The following RAP1GAP variants were observed in gnomAD, a reference collection of about 807,000 sequenced individuals.
RAP1GAP encodes the protein RAP1 GTPase activating protein.
RAP1GAP carries 35 observed loss-of-function variants against 87.2 expected under a neutral mutation model. The observed-to-expected ratio is 0.40, with a 90% confidence interval of 0.31 to 0.53. RAP1GAP has a LOEUF of 0.53. RAP1GAP is among the 20% of genes least tolerant of loss of function. RAP1GAP has a pLI of 0.48. For synonymous variants in RAP1GAP, 375 were observed against 363.9 expected (o/e 1.03, Z -0.35); for missense variants, 734 against 898.9 (o/e 0.82, Z 2.35).
rs142688233 is a variant in RAP1GAP, at chr1:21,608,222, C to T, written c.1287G>A (p.Glu429=). ...ENGSGGGGFF[E]SFKRVIRSRS... Reference sequence around the variant, plus strand: ...ACCTGGGGCCCTTCACCTTGAAAGACTCAAAGAAGCCGCCGCCCCCACTGC... The same window carrying T: ...ACCTGGGGCCCTTCACCTTGAAAGATTCAAAGAAGCCGCCGCCCCCACTGC... The change falls in exon 17 of 25, where the codon GAG becomes GAA. Residue 429 remains glutamate (E), a synonymous_variant. Coordinates refer to ENST00000374765, the MANE Select transcript of RAP1GAP (RefSeq NM_002885.4). The T allele has an allele frequency of 7.8e-5, 126 of 1,613,906 alleles. No homozygotes were observed. Among genetic ancestry groups the T allele is most frequent in the Non-Finnish European group, 1.0e-4 (120 of 1,179,926 alleles).
At chr1:21,643,450 C>G (rs989742222) in intron 2 of RAP1GAP, among the ~76,000 whole-genome samples, 3 of 150,562 alleles carry the variant, frequency 2.0e-5, no homozygotes, top group Non-Finnish European at 4.4e-5. Context: ...CCCAGCTACT[C>G]AGGAGGCTGA....
At position 21,609,978 on chromosome 1, in the gene RAP1GAP, G is replaced by A. The variant is rs1010992083; in HGVS notation, c.999+142C>T. The stretch of plus-strand genomic sequence containing the variant: ...AGCTTTGGGGACGACAGGGGGCGTG[G>A]TGTGAACAGTGCACCATTGAAGCCT... On this transcript the variant is annotated intron_variant, in intron 14 of 24. Transcript: ENST00000374765. This position sits in a 1 kb window ranked among gnomAD's most constrained non-coding sequence, Gnocchi z 4.4. 2.8e-6 allele frequency: 3 copies of A among 1,054,148 alleles called. No homozygotes were observed. The highest frequency in any genetic ancestry group is 4.0e-6 in the Non-Finnish European group (3 of 745,198). The allele number at this position is 1,054,148 out of a possible 1,614,324, so 65.3% of individuals were successfully genotyped here. A position where few individuals can be genotyped will look rare whatever the true frequency, so the allele number is the denominator to read the frequency against.
rs138139870 is a variant in RAP1GAP at position 21,604,156 on chromosome 1, G to A, written c.1429-1243C>T. Among the ~76,000 whole-genome samples, 848 of 152,094 alleles carry A rather than the reference G, an allele frequency of 5.6e-3. 4 individuals carry two copies. Among genetic ancestry groups the A allele is most frequent in the Non-Finnish European group, 8.3e-3 (565 of 67,994 alleles). ...GGGAGAGATGGACAGACAGTTACCC[G>A]GAGACAGGGACACGCGTGAGCCAGC... On this transcript the variant is annotated intron_variant, in intron 18 of 24. Transcript: ENST00000374765.
chr1:21,663,542 G>A (rs2097225828), intron 1 of RAP1GAP, among the ~76,000 whole-genome samples: 1 of 152,180 alleles, frequency 6.6e-6, no homozygotes, highest in African/African-American at 2.4e-5. Context: ...GAGCTTGCAG[G>A]CAGGAAGAAG....
chr1:21,660,658 G>C (rs573657326), intron 1 of RAP1GAP, among the ~76,000 whole-genome samples: 1 of 152,142 alleles, frequency 6.6e-6, no homozygotes, highest in South Asian at 2.1e-4. Context: ...AGCTGTGACC[G>C]TCAGCCTTAG....
chr1:21,608,208 T>C lies in RAP1GAP; in HGVS notation c.1296+5A>G. The C allele has an allele frequency of 6.2e-7, 1 of 1,613,688 alleles. No individual in the cohort carries two copies. Among genetic ancestry groups the C allele is most frequent in the South Asian group, 1.1e-5 (1 of 91,022 alleles). On this transcript the variant is annotated splice_donor_5th_base_variant and intron_variant, in intron 17 of 24. Transcript: ENST00000374765. ...CCCCGGCCAGTTAGACCTGGGGCCC[T>C]TCACCTTGAAAGACTCAAAGAAGCC...
At chr1:21,642,173 G>T (rs1249128109) in intron 2 of RAP1GAP, among the ~76,000 whole-genome samples, 1 of 152,228 alleles carries the variant, frequency 6.6e-6, no homozygotes, top group African/African-American at 2.4e-5. Context: ...CCCACGGCTG[G>T]GGTGTACAGT....
Position 21,622,244 on chromosome 1 carries a change from C to A in RAP1GAP, c.-18-2194G>T. ...CCACCATGACGGAGCCTTGTCCGCC[C>A]GCCCTGGCTGGGGCAGAGCCGGCCG... On this transcript the variant is annotated intron_variant, in intron 3 of 24. Transcript: ENST00000374765. The surrounding 1 kb of genome is among the most constrained non-coding windows in gnomAD (Gnocchi z 5.7). 2.7e-6 allele frequency: 1 copy of A among 374,956 alleles called. No homozygotes were observed. Among genetic ancestry groups the A allele is most frequent in the Non-Finnish European group, 4.8e-6 (1 of 206,650 alleles). 23.2% of individuals were successfully genotyped at this position (374,956 alleles called of 1,614,324 possible). A position where few individuals can be genotyped will look rare whatever the true frequency, so the allele number is the denominator to read the frequency against.
chr1:21,650,381 A>C (rs900718499), intron 1 of RAP1GAP, among the ~76,000 whole-genome samples: 1 of 151,808 alleles, frequency 6.6e-6, no homozygotes, highest in Non-Finnish European at 1.5e-5. Flanking sequence ...GGTACCCCAG[A>C]CTTTGTCTCC....
chr1:21,632,053 G>A (rs908164803), intron 2 of RAP1GAP, among the ~76,000 whole-genome samples: 1 of 152,212 alleles, frequency 6.6e-6, no homozygotes, highest in Admixed American at 6.5e-5. Context: ...CAGAGAGGAG[G>A]TGACCCGCCC....
At chr1:21,599,921 C>T (rs1237769924) in intron 20 of RAP1GAP, among the ~76,000 whole-genome samples, 15 of 152,346 alleles carry the variant, frequency 9.8e-5, no homozygotes, top group African/African-American at 1.9e-4. Flanking sequence ...AAAACAGCAG[C>T]GGTTAGCGAC....
At chr1:21,614,179 G>A in intron 7 of RAP1GAP, 90 bp from the exon 8 acceptor site, 1 of 846,372 alleles carries the variant, frequency 1.2e-6, no homozygotes, top group Non-Finnish European at 1.9e-6. Flanking sequence ...ACTCCCAGAT[G>A]CAGGTCCTTC....
At chr1:21,620,480 C>A (rs534343866) in intron 3 of RAP1GAP, among the ~76,000 whole-genome samples, 1 of 152,356 alleles carries the variant, frequency 6.6e-6, no homozygotes, top group East Asian at 1.9e-4. Context: ...AGACAGCCCA[C>A]CCCTCTCCAA....
Position 21,610,449 on chromosome 1 carries a change from T to C in RAP1GAP, c.844-174A>G, listed in dbSNP as rs150677690. On this transcript the variant is annotated intron_variant, in intron 13 of 24. Coordinates refer to ENST00000374765, the MANE Select transcript of RAP1GAP (RefSeq NM_002885.4). ...TCTTAAAACTATTTTAGTTGAAAAA[T>C]GGCCTGTTTGGAACAACGTACACTC... Among the ~76,000 whole-genome samples, 20 of 152,254 alleles carry C rather than the reference T, an allele frequency of 1.3e-4. No individual in the cohort carries two copies. In the East Asian group the frequency reaches 3.5e-3, roughly 26 times the overall value.
At chr1:21,601,939 T>A in intron 19 of RAP1GAP, 142 bp from the exon 20 acceptor site, 1 of 558,784 alleles carries the variant, frequency 1.8e-6, no homozygotes, top group East Asian at 2.9e-5. Flanking sequence ...CCTGGAGCAG[T>A]CTTGTGGGCT....
At chr1:21,624,293 C>T (rs970883992) in intron 3 of RAP1GAP, among the ~76,000 whole-genome samples, 8 of 152,176 alleles carry the variant, frequency 5.3e-5, no homozygotes, top group African/African-American at 1.2e-4. Flanking sequence ...AATGTAATGA[C>T]GCTGATAAGA....
In RAP1GAP at chr1:21,596,572, C is replaced by G. The variant is rs1645297824; in HGVS notation, c.*727G>C. 1 of 152,264 alleles carries G rather than the reference C, an allele frequency of 6.6e-6. No homozygotes were observed. The highest frequency in any genetic ancestry group is 2.4e-5 in the African/African-American group (1 of 41,438). 9.4% of individuals were successfully genotyped at this position (152,264 alleles called of 1,614,324 possible). On this transcript the variant is annotated 3_prime_UTR_variant, in exon 25 of 25. Coordinates refer to ENST00000374765, the MANE Select transcript of RAP1GAP (RefSeq NM_002885.4). ...AGGCAGTGGACAGGGCATCGGCAGACCTGTGGCAGAACTGGAGGGTCCAGG... is the reference window on the plus strand; with the variant it reads ...AGGCAGTGGACAGGGCATCGGCAGAGCTGTGGCAGAACTGGAGGGTCCAGG...
intron 1 of RAP1GAP, 105 bp from the exon 2 acceptor site, chr1:21,649,901 G>A: frequency 1.7e-6 from 2 of 1,208,766 alleles, no homozygotes; most frequent in African/African-American, 3.0e-5. Context: ...CAGAGGGGCT[G>A]GAGAAGGTCC....
rs1004802063 is a variant in RAP1GAP at position 21,611,752 on chromosome 1, A to G, written c.677T>C (p.Phe226Ser). The part of the protein sequence containing the change: ...ESPAFVEFLE[F>S]LGQKVKLQDF... The stretch of plus-strand genomic sequence containing the variant: ...CTGCAGTTTGACCTTCTGGCCAAGA[A>G]ATTCAAGGAACTCCACGAAAGCGGG... The change falls in exon 12 of 25, where the codon TTT becomes TCT. Residue 226 changes from phenylalanine to serine, a missense_variant. Phe to Ser is a radical substitution (Grantham distance 155, BLOSUM62 -2). Around this residue, in one of 2 missense-constraint regions of RAP1GAP, gnomAD observed 485 missense variants for 646.2 expected, o/e 0.75. Transcript: ENST00000374765. The G allele has an allele frequency of 6.2e-7, 1 of 1,614,052 alleles. No individual in the cohort carries two copies. The highest frequency in any genetic ancestry group is 8.5e-7 in the Non-Finnish European group (1 of 1,179,870).
Sources: allele counts gnomAD v4.1 joint callset (sites outside exome capture counted in the v4.1 genomes callset), GRCh38; gene constraint gnomAD v4.1.1; regional missense constraint gnomAD v4.1.1; non-coding constraint Gnocchi (gnomAD v3.1); transcripts MANE v1.5; gene names NCBI Gene and HGNC (gene_info 2026-07-23, HGNC 2026-07-21).